WWC1: variants seen among roughly 807,000 people sequenced by gnomAD.
The protein encoded by WWC1 is WW and C2 domain containing 1.
WWC1 carries 55 observed loss-of-function variants against 138.4 expected under a neutral mutation model. The observed-to-expected ratio is 0.40, with a 90% confidence interval of 0.32 to 0.50. WWC1 has a LOEUF of 0.50. Among genes scored for constraint, WWC1 ranks in the 20% least tolerant of loss-of-function variants. WWC1 has a pLI of 0.72. For missense variants in WWC1, 1,226 were observed against 1,420.4 expected (o/e 0.86, Z 2.20); for synonymous variants, 524 against 564.9 (o/e 0.93, Z 1.03).
At chr5:168,344,219 G>T (rs1314820953) in intron 1 of WWC1, among the ~76,000 whole-genome samples, 1 of 152,172 alleles carries the variant, frequency 6.6e-6, no homozygotes, top group African/African-American at 2.4e-5. Flanking sequence ...GTGTTTTAAG[G>T]CAGCCTTGCA....
At chr5:168,382,516 G>T (rs1777719772) in intron 2 of WWC1, among the ~76,000 whole-genome samples, 1 of 152,188 alleles carries the variant, frequency 6.6e-6, no homozygotes, top group Non-Finnish European at 1.5e-5. Flanking sequence ...TTGCCAGCCT[G>T]CTCAAGATAG....
At chr5:168,411,129 G>A (rs934273741) in intron 8 of WWC1, among the ~76,000 whole-genome samples, 5 of 151,966 alleles carry the variant, frequency 3.3e-5, no homozygotes, top group South Asian at 2.1e-4. Flanking sequence ...GGGTTTCACC[G>A]TGTTAGCCAG....
intron 1 of WWC1, among the ~76,000 whole-genome samples, chr5:168,355,977 G>T (rs1775379480): frequency 6.6e-6 from 1 of 152,232 alleles, no homozygotes; most frequent in African/African-American, 2.4e-5. Flanking sequence ...TTCTCTTGGG[G>T]GGGCTGTGAT....
chr5:168,343,382 A>G (rs1483386908), intron 1 of WWC1, among the ~76,000 whole-genome samples: 2 of 152,158 alleles, frequency 1.3e-5, no homozygotes, highest in African/African-American at 4.8e-5. Flanking sequence ...TTAATAGATG[A>G]AGAAAACTGA....
At chr5:168,355,212 G>A (rs1030479991) in intron 1 of WWC1, among the ~76,000 whole-genome samples, 9 of 152,190 alleles carry the variant, frequency 5.9e-5, no homozygotes, top group Non-Finnish European at 8.8e-5. Context: ...CAGCATTTCA[G>A]GCTGGGCGTG....
chr5:168,294,716 C>T (rs1769372415), intron 1 of WWC1, among the ~76,000 whole-genome samples: 1 of 152,132 alleles, frequency 6.6e-6, no homozygotes, highest in African/African-American at 2.4e-5. Flanking sequence ...AAGTCTGCCT[C>T]CTGGGTTCAA....
intron 1 of WWC1, among the ~76,000 whole-genome samples, chr5:168,299,423 C>T (rs532496019): frequency 1.3e-5 from 2 of 152,260 alleles, no homozygotes; most frequent in South Asian, 4.2e-4. Context: ...CTAACCAGAG[C>T]TTTGGGGATG....
At chr5:168,436,030 A>G (rs1782326633) in intron 15 of WWC1, among the ~76,000 whole-genome samples, 1 of 151,986 alleles carries the variant, frequency 6.6e-6, no homozygotes, top group African/African-American at 2.4e-5. Flanking sequence ...TTTATTAGAG[A>G]TGGGGTTTCC....
Position 168,414,523 on chromosome 5 carries a change from G to A in WWC1, c.1117G>A (p.Ala373Thr). The change falls in exon 9 of 23, where the codon GCC (alanine) becomes ACC (threonine). Residue 373 changes from alanine to threonine, a missense_variant. Around this residue, in one of 3 missense-constraint regions of WWC1, gnomAD observed 1,016 missense variants for 1,153.9 expected, o/e 0.88. Coordinates refer to ENST00000265293, the MANE Select transcript of WWC1 (RefSeq NM_015238.3). Reference protein sequence around the residue: ...TQGEVEQLEMARKRLEKDLQA... With the variant: ...TQGEVEQLEMTRKRLEKDLQA... ...GGGGGAGGTGGAGCAGCTGGAGATG[G>A]CCCGGAAGCGGCTGGAAAAGGACCT... 6.4e-7 allele frequency: 1 copy of A among 1,556,258 alleles called. No homozygotes were observed. Among genetic ancestry groups the A allele is most frequent in the Non-Finnish European group, 8.7e-7 (1 of 1,149,494 alleles).
chr5:168,463,949 A>C (rs982721448), intron 20 of WWC1, among the ~76,000 whole-genome samples: 10 of 152,144 alleles, frequency 6.6e-5, no homozygotes, highest in Admixed American at 4.6e-4. Flanking sequence ...GTGTAAAGAC[A>C]TTGTCTCTTT....
At chr5:168,419,248 C>G (rs1780894145) in intron 9 of WWC1, among the ~76,000 whole-genome samples, 1 of 152,188 alleles carries the variant, frequency 6.6e-6, no homozygotes, top group Non-Finnish European at 1.5e-5. Context: ...AGTCAGTCAT[C>G]CCCTCTTCAG....
intron 15 of WWC1, 98 bp from the exon 16 acceptor site, chr5:168,441,584 G>A (rs1210583368): frequency 1.5e-6 from 2 of 1,292,976 alleles, no homozygotes; most frequent in Non-Finnish European, 1.1e-6. Flanking sequence ...CTCATCTGGA[G>A]TGGTGTTTTT....
At chr5:168,379,644 C>A (rs781388136) in intron 2 of WWC1, among the ~76,000 whole-genome samples, 1 of 152,192 alleles carries the variant, frequency 6.6e-6, no homozygotes, top group Non-Finnish European at 1.5e-5. Flanking sequence ...AAGTGATCCA[C>A]CTGCCTCGGC....
In WWC1 at chr5:168,451,463, G is replaced by C. The variant is rs187032890; in HGVS notation, c.2526-2505G>C. ...CTTACACCAGTAATGTTCACACTTT[G>C]GGAAGCTGAGGCAGGAAGATTTCTT... On this transcript the variant is annotated intron_variant, in intron 17 of 22. Coordinates refer to ENST00000265293, the MANE Select transcript of WWC1 (RefSeq NM_015238.3). Among the ~76,000 whole-genome samples, 367 of 152,316 alleles carry C rather than the reference G, an allele frequency of 2.4e-3. 3 individuals are homozygous for C. The highest frequency in any genetic ancestry group is 4.3e-3 in the Non-Finnish European group (293 of 68,030).
At chr5:168,446,708 T>C (rs1755304630) in intron 17 of WWC1, among the ~76,000 whole-genome samples, 2 of 152,130 alleles carry the variant, frequency 1.3e-5, no homozygotes, top group Non-Finnish European at 2.9e-5. Context: ...ACTGAGGAAA[T>C]AATACTGACT....
At chr5:168,367,965 A>ACC (rs201939806) in intron 1 of WWC1, among the ~76,000 whole-genome samples, 1 of 151,686 alleles carries the variant, frequency 6.6e-6, no homozygotes, top group Non-Finnish European at 1.5e-5. Context: ...ACACACACAC[A>ACC]CACTCTCTTC....
chr5:168,408,184 A>G (rs1006594412), intron 6 of WWC1, among the ~76,000 whole-genome samples: 2 of 151,876 alleles, frequency 1.3e-5, no homozygotes, highest in African/African-American at 4.8e-5. Flanking sequence ...TTTATAGGAG[A>G]GGAAATTGAG....
At chr5:168,401,900 G>A (rs1418571995) in intron 5 of WWC1, among the ~76,000 whole-genome samples, 1 of 152,086 alleles carries the variant, frequency 6.6e-6, no homozygotes, top group Non-Finnish European at 1.5e-5. Context: ...TGAAGCAATA[G>A]CCTGATTCCT....
intron 1 of WWC1, among the ~76,000 whole-genome samples, chr5:168,367,787 T>A (rs540708355): frequency 1.3e-5 from 2 of 152,180 alleles, no homozygotes; most frequent in African/African-American, 4.8e-5. Flanking sequence ...ATACACAGCT[T>A]GCTTTCTAGG....
Sources: gnomAD v4.1 joint callset for allele counts (sites outside exome capture counted in the v4.1 genomes callset) on GRCh38, gnomAD v4.1.1 for gene constraint, gnomAD v4.1.1 regional missense constraint, MANE v1.5 for transcripts, NCBI Gene and HGNC (gene_info 2026-07-23, HGNC 2026-07-21) for gene names.